AKAP1: variants seen among roughly 807,000 people sequenced by gnomAD.
AKAP1 encodes the protein A-kinase anchor protein 1, mitochondrial.
AKAP1 carries 32 observed loss-of-function variants against 79.8 expected under a neutral mutation model. The observed-to-expected ratio is 0.40, with a 90% CI of 0.30 to 0.54. The LOEUF (loss-of-function observed/expected upper bound fraction) is 0.54. AKAP1 is among the 20% of genes least tolerant of loss of function. The pLI, the probability that AKAP1 is intolerant of heterozygous loss-of-function variation, is 0.47. For missense variants in AKAP1, 961 were observed against 1,138.9 expected, an observed-to-expected ratio of 0.84 and a Z score of 2.25; for synonymous variants, 416 against 466.7, an observed-to-expected ratio of 0.89 and a Z score of 1.40.
Position 57,105,527 on chromosome 17 carries a change from C to T in AKAP1, c.63C>T (p.Gly21=). Residue 21 remains glycine, a synonymous_variant, in exon 2 of 11, where the codon GGC becomes GGT. Coordinates refer to ENST00000337714, the MANE Select transcript of AKAP1 (RefSeq NM_003488.4). ...LALPGMLALL[G]WWWFFSRKKG... is the part of the protein sequence containing the mutation. The stretch of plus-strand genomic sequence containing the variant: ...TGCCTGGGATGCTGGCGCTCCTCGG[C>T]TGGTGGTGGTTTTTCTCTCGTAAAA... 1.2e-6 allele frequency: 2 copies of T among 1,614,118 alleles called. No homozygotes were observed.
chr17:57,107,627 T>C (rs115922765), intron 2 of AKAP1, among the ~76,000 whole-genome samples: 2,556 of 152,250 alleles, frequency 0.017, 81 homozygotes, highest in African/African-American at 0.059. Flanking sequence ...TGTGAGTCAC[T>C]ATGCCCAGCC....
At position 57,105,881 on chromosome 17, in the gene AKAP1, A is replaced by G. The variant is rs1289941554; in HGVS notation, c.417A>G (p.Glu139=). The G allele has an allele frequency of 1.2e-5, 19 of 1,614,140 alleles. No individual in the cohort carries two copies. The highest frequency in any genetic ancestry group is 1.6e-5 in the Non-Finnish European group (19 of 1,180,062). Residue 139 remains glutamate (E), a synonymous_variant, in exon 2 of 11, where the codon GAA becomes GAG. Transcript: ENST00000337714. ...TGGAGCTAGCCCTGACAGGTGGTGAAGCCAAATCGATTCCTCTAGAGTGCC... is the reference window on the plus strand; with the variant it reads ...TGGAGCTAGCCCTGACAGGTGGTGAGGCCAAATCGATTCCTCTAGAGTGCC... The part of the protein sequence containing the change: ...TKLELALTGG[E]AKSIPLECPL...
At chr17:57,119,813 TCCC>T (rs1298854001) in intron 10 of AKAP1, among the ~76,000 whole-genome samples, 1 of 146,496 alleles carries the variant, frequency 6.8e-6, no homozygotes, top group African/African-American at 2.5e-5. Context: ...ATAAGCCATG[TCCC>T]CCACCCTGTT....
At chr17:57,104,387 G>A (rs751970522) in intron 1 of AKAP1, among the ~76,000 whole-genome samples, 14 of 152,158 alleles carry the variant, frequency 9.2e-5, no homozygotes, top group Non-Finnish European at 2.1e-4. Flanking sequence ...ACGCAGTGGG[G>A]CCCTAGGACA....
In AKAP1 at chr17:57,107,011, T is replaced by C. The variant is rs749280247; in HGVS notation, c.1547T>C (p.Leu516Pro). The change falls in exon 2 of 11, where the codon CTT (leucine) becomes CCT (proline). Residue 516 changes from leucine (L) to proline (P), a missense_variant. Transcript: ENST00000337714. ...TCAGATTCTTTCAGCACTTCAGGGC[T>C]TGAAGACTCTTGCACAGAGACCAGC... is the stretch of plus-strand genomic sequence containing the variant. ...HCSDSFSTSGLEDSCTETSSS... is the reference protein window; with the variant it reads ...HCSDSFSTSGPEDSCTETSSS... The C allele has an allele frequency of 1.1e-4, 182 of 1,614,214 alleles. 5 individuals are homozygous for C. In the South Asian group the frequency reaches 2.0e-3, roughly 18 times the overall value.
intron 2 of AKAP1, among the ~76,000 whole-genome samples, chr17:57,109,425 G>A (rs1386080569): frequency 6.6e-6 from 1 of 152,194 alleles, no homozygotes; most frequent in Non-Finnish European, 1.5e-5. Flanking sequence ...AAAGGGAAAG[G>A]AGACTCTCCT....
In AKAP1 at chr17:57,107,118, T is replaced by C; in HGVS notation, c.1654T>C (p.Leu552=). 6.2e-7 allele frequency: 1 copy of C among 1,608,632 alleles called. No homozygotes were observed. The highest frequency in any genetic ancestry group is 8.5e-7 in the Non-Finnish European group (1 of 1,176,514). Residue 552 remains leucine, a synonymous_variant, in exon 2 of 11, where the codon TTG becomes CTG. Coordinates refer to ENST00000337714, the MANE Select transcript of AKAP1 (RefSeq NM_003488.4). ...CAGCAATGGGGTGCTGAAGGGGGAGTTGTCAGACTTGGGGGCTGAGGATGG... is the reference window on the plus strand; with the variant it reads ...CAGCAATGGGGTGCTGAAGGGGGAGCTGTCAGACTTGGGGGCTGAGGATGG... The part of the protein sequence containing the change: ...PFSNGVLKGE[L]SDLGAEDGWT...
At chr17:57,092,645 A>T (rs888109664) in intron 1 of AKAP1, 3 of 152,176 alleles carry the variant, frequency 2.0e-5, no homozygotes, top group Non-Finnish European at 4.4e-5. Context: ...CTGTCATGCT[A>T]CCAGCCACAG....
At chr17:57,100,428 A>AACACACACACACACACACACACAC (rs71363890) in intron 1 of AKAP1, among the ~76,000 whole-genome samples, 2,663 of 149,746 alleles carry the variant, frequency 0.018, 81 homozygotes, top group African/African-American at 0.062. Flanking sequence ...TCTCTGCTAA[A>AACACACACACACACACACACACAC]ACACACACAC....
At chr17:57,087,757 C>T (rs1366209475) in intron 1 of AKAP1, among the ~76,000 whole-genome samples, 2 of 152,292 alleles carry the variant, frequency 1.3e-5, no homozygotes, top group East Asian at 1.9e-4. Flanking sequence ...GGAGGAAAAA[C>T]GAATTGGTTT....
At chr17:57,092,436 G>C (rs1340461946) in intron 1 of AKAP1, 1 of 152,278 alleles carries the variant, frequency 6.6e-6, no homozygotes, top group Non-Finnish European at 1.5e-5. Flanking sequence ...GGCTGTGTGT[G>C]TCCGCCTCCT....
rs79591454 is a variant in AKAP1 at position 57,098,516 on chromosome 17, G to C, written c.-24-6925G>C. ...ACCTCAGGGCAAAGAGAGCAACTCC[G>C]AAGAGTCTGGCCCAGTGCAGGAAGG... On this transcript the variant is annotated intron_variant, in intron 1 of 10. Transcript: ENST00000337714. The C allele has an allele frequency of 6.5e-3, 993 of 152,366 alleles. 4 individuals carry two copies. The highest frequency in any genetic ancestry group is 0.023 in the African/African-American group (946 of 41,554). The allele number at this position is 152,366 out of a possible 1,614,324, so 9.4% of individuals were successfully genotyped here. A position where few individuals can be genotyped will look rare whatever the true frequency, so the allele number is the denominator to read the frequency against.
rs117948788 is a variant in AKAP1, at chr17:57,120,403, A to G, written c.*79A>G. On this transcript the variant is annotated 3_prime_UTR_variant, in exon 11 of 11. Coordinates refer to ENST00000337714, the MANE Select transcript of AKAP1 (RefSeq NM_003488.4). ...CACTCAAGTCAAAGATGAACATCGG[A>G]ATAACAAACATTGTCCTCTCCAGAA... 18 of 1,257,722 alleles carry G rather than the reference A, an allele frequency of 1.4e-5. No homozygotes were observed. In the African/African-American group the frequency reaches 2.7e-4, roughly 19 times the overall value. The allele number at this position is 1,257,722 out of a possible 1,614,324, so 77.9% of individuals were successfully genotyped here.
chr17:57,116,358 G>T, intron 7 of AKAP1, 97 bp downstream of exon 7: 1 of 1,493,862 alleles, frequency 6.7e-7, no homozygotes, highest in Non-Finnish European at 9.2e-7. Context: ...TTGGGTGAGG[G>T]TTACTTCTTC....
At chr17:57,097,765 A>G (rs1914212466) in intron 1 of AKAP1, among the ~76,000 whole-genome samples, 1 of 152,244 alleles carries the variant, frequency 6.6e-6, no homozygotes, top group African/African-American at 2.4e-5. Context: ...GGAATAATGG[A>G]AGAAATGTTC....
chr17:57,092,473 G>T (rs1280072235), intron 1 of AKAP1: 1 of 152,236 alleles, frequency 6.6e-6, no homozygotes, highest in Non-Finnish European at 1.5e-5. Context: ...ATTGGAACAG[G>T]TTCCTTTGAG....
Position 57,110,125 on chromosome 17 carries a change from C to T in AKAP1, c.1815C>T (p.Val605=), listed in dbSNP as rs375396221. Residue 605 remains valine (V), a synonymous_variant, in exon 3 of 11, where the codon GTC becomes GTT. Coordinates refer to ENST00000337714, the MANE Select transcript of AKAP1 (RefSeq NM_003488.4). The part of the protein sequence containing the change: ...NAQAGSNPKK[V]DLIIWEIEVP... Reference sequence around the variant, plus strand: ...AGGCAGGCTCCAACCCTAAGAAGGTCGACCTCATCATCTGGGAGATCGAGG... The same window carrying T: ...AGGCAGGCTCCAACCCTAAGAAGGTTGACCTCATCATCTGGGAGATCGAGG... 4.3e-6 allele frequency: 7 copies of T among 1,614,052 alleles called. No individual in the cohort carries two copies. The highest frequency in any genetic ancestry group is 2.7e-5 in the African/African-American group (2 of 75,034).
chr17:57,112,498 A>G lies in AKAP1; in HGVS notation c.1983A>G (p.Gln661=), dbSNP rs562043469. 19 of 1,613,740 alleles carry G rather than the reference A, an allele frequency of 1.2e-5. No homozygotes were observed. Among genetic ancestry groups the G allele is most frequent in the Non-Finnish European group, 1.6e-5 (19 of 1,179,896 alleles). ...CCCCCATCCGCTATTTAGGCTCTCA[A>G]CATCATGTAGACAAAGCGCTGAACT... ...SVQICHIEGS[Q]HHVDKALNLI... is the part of the protein sequence containing the mutation. Residue 661 remains glutamine, a synonymous_variant, in exon 5 of 11, where the codon CAA becomes CAG. Transcript: ENST00000337714.
At chr17:57,107,470 C>T (rs1160709810) in intron 2 of AKAP1, among the ~76,000 whole-genome samples, 3 of 152,146 alleles carry the variant, frequency 2.0e-5, no homozygotes, top group African/African-American at 4.8e-5. Context: ...CGCTGATTAA[C>T]ATTAGTGTGC....
Sources: gnomAD v4.1 joint callset for allele counts (sites outside exome capture counted in the v4.1 genomes callset) on GRCh38, gnomAD v4.1.1 for gene constraint, MANE v1.5 for transcripts, NCBI Gene and HGNC (gene_info 2026-07-23, HGNC 2026-07-21) for gene names.